POLK: variants seen among roughly 807,000 people sequenced by gnomAD.
The protein encoded by POLK is DNA polymerase kappa.
POLK carries 76 observed loss-of-function variants against 94.0 expected under a neutral mutation model. The ratio of observed to expected loss-of-function variants is 0.81; its 90% CI spans 0.67 to 0.98. POLK has a LOEUF of 0.98. POLK is among the 50% of genes least tolerant of loss of function. The probability of loss-of-function intolerance (pLI) is 0.00; values close to 1 mark genes in which losing one functional copy is unlikely to be tolerated. For synonymous variants in POLK, 349 were observed against 325.4 expected, an observed-to-expected ratio of 1.07 and a Z score of -0.78; for missense variants, 954 against 1,010.1, an observed-to-expected ratio of 0.94 and a Z score of 0.75.
At chr5:75,513,771 G>A (rs558074336) in intron 1 of POLK, among the ~76,000 whole-genome samples, 1 of 152,044 alleles carries the variant, frequency 6.6e-6, no homozygotes, top group East Asian at 1.9e-4. Context: ...CACACAGTAC[G>A]GTACACCAAT....
chr5:75,577,295 A>G (rs959921018), intron 6 of POLK, among the ~76,000 whole-genome samples: 4 of 152,208 alleles, frequency 2.6e-5, no homozygotes, highest in African/African-American at 7.2e-5. Context: ...TTGTTAGAAA[A>G]GACTAGCCTC....
chr5:75,573,420 G>A (rs370251713), intron 4 of POLK, among the ~76,000 whole-genome samples: 3 of 152,066 alleles, frequency 2.0e-5, no homozygotes, highest in South Asian at 2.1e-4. Flanking sequence ...ATTAAATGAC[G>A]AGTTAATGGG....
chr5:75,576,807 C>T, exon 6 of POLK: 1 of 1,517,738 alleles, frequency 6.6e-7, no homozygotes. Context: ...TGATTATGAT[C>T]CCAATTTTAT....
At chr5:75,576,361 A>G (rs1771872347) in intron 5 of POLK, among the ~76,000 whole-genome samples, 1 of 152,214 alleles carries the variant, frequency 6.6e-6, no homozygotes, top group South Asian at 2.1e-4. Flanking sequence ...CCTTTTTAAA[A>G]TGAACCAAAA....
chr5:75,588,858 T>G (rs922448219), intron 10 of POLK, among the ~76,000 whole-genome samples: 2 of 152,188 alleles, frequency 1.3e-5, no homozygotes, highest in Non-Finnish European at 2.9e-5. Context: ...TGGGATTACG[T>G]TGGGCACAGC....
intron 1 of POLK, among the ~76,000 whole-genome samples, chr5:75,535,897 T>C (rs986811971): frequency 1.3e-5 from 2 of 152,226 alleles, no homozygotes; most frequent in Admixed American, 6.5e-5. Flanking sequence ...GTTTTGACTG[T>C]CTCCTATATG....
chr5:75,511,606 A>G, upstream of POLK: 1 of 1,467,840 alleles, frequency 6.8e-7, no homozygotes, highest in Non-Finnish European at 9.0e-7. Context: ...TACCGCCGCC[A>G]TCTTCCTGCC....
intron 1 of POLK, among the ~76,000 whole-genome samples, chr5:75,524,086 C>T (rs1282075212): frequency 6.6e-6 from 1 of 151,148 alleles, no homozygotes; most frequent in African/African-American, 2.4e-5. Flanking sequence ...GCTGAGATTG[C>T]GCCACTGCAC....
intron 2 of POLK, among the ~76,000 whole-genome samples, chr5:75,551,734 G>A (rs1056304107): frequency 5.3e-5 from 8 of 152,170 alleles, no homozygotes; most frequent in African/African-American, 1.9e-4. Context: ...TGGCAAGAAC[G>A]TGGAGAAATT....
At chr5:75,571,797 G>A (rs1428109708) in intron 4 of POLK, among the ~76,000 whole-genome samples, 1 of 152,136 alleles carries the variant, frequency 6.6e-6, no homozygotes, top group Non-Finnish European at 1.5e-5. Flanking sequence ...AACTTGTAAA[G>A]TATTGTGGCT....
intron 3 of POLK, among the ~76,000 whole-genome samples, chr5:75,565,440 A>T (rs1357998202): frequency 6.6e-6 from 1 of 151,970 alleles, no homozygotes; most frequent in Non-Finnish European, 1.5e-5. Context: ...TGAAGTTGGG[A>T]TTCTTTGGAG....
intron 1 of POLK, among the ~76,000 whole-genome samples, chr5:75,521,378 A>G (rs1325180566): frequency 2.6e-5 from 4 of 151,664 alleles, no homozygotes; most frequent in Non-Finnish European, 5.9e-5. Flanking sequence ...TATGTTGTTG[A>G]GAGCCTCTAA....
intron 6 of POLK, 82 bp downstream of exon 6, chr5:75,577,015 T>A: frequency 1.2e-6 from 1 of 813,546 alleles, no homozygotes; most frequent in Non-Finnish European, 1.9e-6. Context: ...CCAATTAATT[T>A]ATTAGCCTGC....
chr5:75,605,283 A>G (rs1773396049), downstream of POLK, among the ~76,000 whole-genome samples: 1 of 152,042 alleles, frequency 6.6e-6, no homozygotes, highest in African/African-American at 2.4e-5. Flanking sequence ...CTTCTAACTC[A>G]TTGCTTAGCT....
chr5:75,582,070 G>A, intron 7 of POLK: 4 of 982,828 alleles, frequency 4.1e-6, no homozygotes, highest in Non-Finnish European at 4.8e-6. Context: ...TTCCTTGGGA[G>A]ACTTCAATCC....
chr5:75,530,402 T>C (rs1249691183), intron 1 of POLK, among the ~76,000 whole-genome samples: 3 of 108,052 alleles, frequency 2.8e-5, no homozygotes, highest in Admixed American at 9.2e-5. Context: ...TTTTCTTTTT[T>C]TTTTTTTTTT....
intron 4 of POLK, among the ~76,000 whole-genome samples, chr5:75,571,750 G>A (rs866524724): frequency 1.3e-5 from 2 of 152,152 alleles, no homozygotes; most frequent in South Asian, 2.1e-4. Flanking sequence ...GGCAAGTCAC[G>A]TGGCATGAGG....
intron 10 of POLK, among the ~76,000 whole-genome samples, chr5:75,589,108 A>T (rs1247956304): frequency 6.6e-6 from 1 of 152,156 alleles, no homozygotes; most frequent in East Asian, 1.9e-4. Context: ...ATTTAGTCAC[A>T]TGTCATTTTA....
intron 1 of POLK, among the ~76,000 whole-genome samples, chr5:75,523,566 A>T (rs371733529): frequency 2.0e-4 from 30 of 152,176 alleles, no homozygotes; most frequent in Admixed American, 7.9e-4. Flanking sequence ...CTTTCTAGGA[A>T]TTTTTGCTGG....
Sources: allele counts gnomAD v4.1 joint callset (sites outside exome capture counted in the v4.1 genomes callset), GRCh38; gene constraint gnomAD v4.1.1; transcripts MANE v1.5; gene names NCBI Gene and HGNC (gene_info 2026-07-23, HGNC 2026-07-21).